The following MCC variants were observed in gnomAD, a reference collection of about 807,000 sequenced individuals.
MCC encodes the protein colorectal mutant cancer protein.
A neutral mutation model predicts 116.2 loss-of-function variants in MCC; 90 were observed. The observed-to-expected ratio is 0.77, with a 90% confidence interval of 0.65 to 0.92. The LOEUF is 0.92. Among genes scored for constraint, MCC ranks in the 40% least tolerant of loss-of-function variants. MCC has a pLI of 0.00. For synonymous variants in MCC, 578 were observed against 510.5 expected (o/e 1.13, Z -1.78); for missense variants, 1,516 against 1,312.2 (o/e 1.16, Z -2.40).
At chr5:113,422,229 G>C (rs2150407595) in intron 1 of MCC, among the ~76,000 whole-genome samples, 1 of 152,280 alleles carries the variant, frequency 6.6e-6, no homozygotes, top group South Asian at 2.1e-4. Flanking sequence ...ATCACATCTA[G>C]TGAGGAGACT....
chr5:113,066,538 G>T (rs374949212), intron 13 of MCC, among the ~76,000 whole-genome samples: 8 of 152,138 alleles, frequency 5.3e-5, no homozygotes, highest in African/African-American at 1.9e-4. Context: ...ACAAATGAAG[G>T]TGTGCTCCTT....
chr5:113,449,233 T>A lies in MCC; in HGVS notation c.170+39012A>T, dbSNP rs1771312724. Among the ~76,000 whole-genome samples the A allele has an allele frequency of 2.0e-5, 3 of 152,270 alleles. No individual in the cohort carries two copies. In the South Asian group the frequency reaches 6.2e-4, roughly 32 times the overall value. On this transcript the variant is annotated intron_variant, in intron 1 of 18. Coordinates refer to ENST00000408903, the MANE Select transcript of MCC (RefSeq NM_001085377.2). ...GGGATTTAAGTGAAAGAAAAACAAC[T>A]AATTCAGAAAGCTGGAGAACAGAAC...
At chr5:113,361,847 G>A (rs1336492984) in intron 2 of MCC, among the ~76,000 whole-genome samples, 1 of 152,178 alleles carries the variant, frequency 6.6e-6, no homozygotes, top group African/African-American at 2.4e-5. Flanking sequence ...GGGTTCTTTG[G>A]CCTTGGGACT....
chr5:113,282,882 CAAGCCCCTCTTGCTA>C (rs554031846), intron 3 of MCC, among the ~76,000 whole-genome samples: 3 of 152,350 alleles, frequency 2.0e-5, no homozygotes, highest in Admixed American at 2.0e-4. Flanking sequence ...CTGCTTTCCA[CAAGCCCCTCTTGCTA>C]AAGCCCTCTC....
chr5:113,294,319 T>TC, intron 3 of MCC: 1 of 1,613,710 alleles, frequency 6.2e-7, no homozygotes, highest in Non-Finnish European at 8.5e-7. Flanking sequence ...CGACCTCAGC[T>TC]GTTTCTTACC....
intron 3 of MCC, among the ~76,000 whole-genome samples, chr5:113,258,423 T>A (rs578114409): frequency 1.0e-3 from 153 of 152,138 alleles, no homozygotes; most frequent in Non-Finnish European, 2.0e-3. Context: ...CAGCAGGAGG[T>A]GAGCTGCAGT....
rs191261682 is a variant in MCC, at chr5:113,187,678, C to A, written c.628-36256G>T. On this transcript the variant is annotated intron_variant, in intron 3 of 18. Transcript: ENST00000408903. ...GCTGAGGCGAGAGAATGGCGTGAAC[C>A]CAGGAGGCGGAGCTTGCAGTGAGCC... 2.5e-3 allele frequency among the ~76,000 whole-genome samples: 378 copies of A among 151,578 alleles called. 1 individual carries two copies. Among genetic ancestry groups the A allele is most frequent in the African/African-American group, 8.8e-3 (362 of 41,300 alleles).
chr5:113,447,080 T>A (rs1771242947), intron 1 of MCC, among the ~76,000 whole-genome samples: 2 of 152,142 alleles, frequency 1.3e-5, no homozygotes, highest in African/African-American at 4.8e-5. Context: ...CACGTGTGGG[T>A]TTGGGAGGTA....
chr5:113,084,801 G>T (rs1039404618), intron 9 of MCC, among the ~76,000 whole-genome samples: 1 of 152,104 alleles, frequency 6.6e-6, no homozygotes, highest in Non-Finnish European at 1.5e-5. Context: ...GGAGATCATT[G>T]GTTCATTACT....
At chr5:113,340,124 T>A (rs557154005) in intron 3 of MCC, among the ~76,000 whole-genome samples, 1 of 152,348 alleles carries the variant, frequency 6.6e-6, no homozygotes, top group South Asian at 2.1e-4. Context: ...CAAGAAACCT[T>A]CAATGCAATA....
intron 3 of MCC, among the ~76,000 whole-genome samples, chr5:113,261,343 T>G (rs1241647056): frequency 1.3e-5 from 2 of 152,180 alleles, no homozygotes; most frequent in Non-Finnish European, 2.9e-5. Flanking sequence ...TCTACTGTAT[T>G]TGCTTTAGCA....
chr5:113,263,084 C>T (rs1732777190), intron 3 of MCC, among the ~76,000 whole-genome samples: 1 of 152,020 alleles, frequency 6.6e-6, no homozygotes, highest in Middle Eastern at 3.2e-3. Context: ...TGATAAGAAA[C>T]CAAAAGTCCT....
chr5:113,164,476 G>A (rs556677733), intron 3 of MCC, among the ~76,000 whole-genome samples: 1 of 152,176 alleles, frequency 6.6e-6, no homozygotes, highest in East Asian at 1.9e-4. Context: ...GATCGCCCAG[G>A]GGCCCCTAGG....
At chr5:113,167,745 C>T (rs924848830) in intron 3 of MCC, among the ~76,000 whole-genome samples, 2 of 152,120 alleles carry the variant, frequency 1.3e-5, no homozygotes, top group Non-Finnish European at 2.9e-5. Flanking sequence ...ATTCTCTCAC[C>T]TCAGCTTCCC....
intron 3 of MCC, among the ~76,000 whole-genome samples, chr5:113,325,782 T>G (rs1191410608): frequency 6.6e-6 from 1 of 152,166 alleles, no homozygotes; most frequent in Non-Finnish European, 1.5e-5. Context: ...TCACAGAAAT[T>G]TTAAACCCTT....
At chr5:113,439,177 C>A (rs1384046021) in intron 1 of MCC, among the ~76,000 whole-genome samples, 1 of 152,172 alleles carries the variant, frequency 6.6e-6, no homozygotes, top group Non-Finnish European at 1.5e-5. Context: ...TATAAGGAGC[C>A]TGGGTTGCTG....
intron 2 of MCC, among the ~76,000 whole-genome samples, chr5:113,383,678 T>C (rs566625910): frequency 6.6e-6 from 1 of 152,206 alleles, no homozygotes; most frequent in East Asian, 1.9e-4. Flanking sequence ...CATATATTAC[T>C]TGAATACTCA....
chr5:113,057,348 G>A (rs1436301753), intron 14 of MCC, among the ~76,000 whole-genome samples: 1 of 152,134 alleles, frequency 6.6e-6, no homozygotes. Context: ...ATGCAGGGAG[G>A]CCAGGGCAGA....
rs549246211 is a variant in MCC at position 113,410,804 on chromosome 5, T to A, written c.171-25592A>T. On this transcript the variant is annotated intron_variant, in intron 1 of 18. Coordinates refer to ENST00000408903, the MANE Select transcript of MCC (RefSeq NM_001085377.2). The stretch of plus-strand genomic sequence containing the variant: ...CTGGTGTGCGATGTTCCCTGCCCTG[T>A]GTCCATGTGTTCTCGTTGTTCAATT... Among the ~76,000 whole-genome samples, 428 of 152,328 alleles carry A rather than the reference T, an allele frequency of 2.8e-3. 5 individuals are homozygous for A. The highest frequency in any genetic ancestry group is 0.01 in the Middle Eastern group (3 of 294).
Sources: gnomAD v4.1 joint callset for allele counts (sites outside exome capture counted in the v4.1 genomes callset) on GRCh38, gnomAD v4.1.1 for gene constraint, MANE v1.5 for transcripts, NCBI Gene and HGNC (gene_info 2026-07-23, HGNC 2026-07-21) for gene names.